TMEM184B: variants seen among roughly 807,000 people sequenced by gnomAD.
TMEM184B encodes the protein transmembrane protein 184B.
TMEM184B carries 17 observed loss-of-function variants against 41.8 expected under a neutral mutation model. That is an observed-to-expected ratio of 0.41 (90% CI 0.28 to 0.61). The LOEUF (loss-of-function observed/expected upper bound fraction) is 0.61, where lower values mean the gene tolerates loss of function less well. TMEM184B is among the 20% of genes least tolerant of loss of function. The pLI, the probability that TMEM184B is intolerant of heterozygous loss-of-function variation, is 0.34. For synonymous variants in TMEM184B, 240 were observed against 229.5 expected (o/e 1.05, Z -0.41); for missense variants, 393 against 557.8 (o/e 0.70, Z 2.98).
Position 38,225,309 on chromosome 22 carries a change from T to G in TMEM184B, c.787+115A>C, listed in dbSNP as rs2145563199. The G allele has an allele frequency of 7.5e-7, 1 of 1,335,458 alleles. No individual in the cohort carries two copies. Among genetic ancestry groups the G allele is most frequent in the Non-Finnish European group, 1.0e-6 (1 of 988,524 alleles). The allele number at this position is 1,335,458 out of a possible 1,614,324, so 82.7% of individuals were successfully genotyped here. On this transcript the variant is annotated intron_variant, in intron 7 of 8. Transcript: ENST00000361906. This position sits in a 1 kb window ranked among gnomAD's most constrained non-coding sequence, Gnocchi z 4.4. ...CACCCCCAGCAAGTGCCCAGTGGGCTGAGGCCCCTCTGAACAGGCCCTACA... is the reference window on the plus strand; with the variant it reads ...CACCCCCAGCAAGTGCCCAGTGGGCGGAGGCCCCTCTGAACAGGCCCTACA...
Position 38,221,098 on chromosome 22 carries a change from A to G in TMEM184B, c.*371T>C, listed in dbSNP as rs372570127. 1.8e-6 allele frequency: 2 copies of G among 1,081,148 alleles called. No homozygotes were observed. The highest frequency in any genetic ancestry group is 4.3e-4 in the Middle Eastern group (1 of 2,352). The allele number at this position is 1,081,148 out of a possible 1,614,324, so 67.0% of individuals were successfully genotyped here. On this transcript the variant is annotated 3_prime_UTR_variant, in exon 9 of 9. Coordinates refer to ENST00000361906, the MANE Select transcript of TMEM184B (RefSeq NM_012264.5). ...CACGGCTTGCCGACCTCAGCCTGAGAGTCTCGCGGGGAGGAGGGGCTAGAA... is the reference window on the plus strand; with the variant it reads ...CACGGCTTGCCGACCTCAGCCTGAGGGTCTCGCGGGGAGGAGGGGCTAGAA...
At position 38,220,780 on chromosome 22, in the gene TMEM184B, T is replaced by A. The variant is rs908718769; in HGVS notation, c.*689A>T. ...AAGGGGCATGAGGCAGGCAGAGGTG[T>A]GGCCACGACAGGTGGGGATACCCAG... On this transcript the variant is annotated 3_prime_UTR_variant, in exon 9 of 9. Transcript: ENST00000361906. The A allele has an allele frequency of 7.1e-6, 7 of 985,936 alleles. No individual in the cohort carries two copies. The Admixed American group carries it at 1.8e-4, about 26-fold the overall frequency. The allele number at this position is 985,936 out of a possible 1,614,324, so 61.1% of individuals were successfully genotyped here.
intron 1 of TMEM184B, among the ~76,000 whole-genome samples, chr22:38,272,126 T>C (rs535558332): frequency 6.6e-6 from 1 of 152,330 alleles, no homozygotes; most frequent in South Asian, 2.1e-4. Context: ...GTAAAACGTC[T>C]GGCCTTATAC....
At position 38,219,706 on chromosome 22, in the gene TMEM184B, A is replaced by G. The variant is rs949175082; in HGVS notation, c.*1763T>C. On this transcript the variant is annotated 3_prime_UTR_variant, in exon 9 of 9. Coordinates refer to ENST00000361906, the MANE Select transcript of TMEM184B (RefSeq NM_012264.5). ...GGCGAAAACCAAGGGAGTGGGAATC[A>G]GCAGCACTTTGGCCTGGAGGGAGAA... The G allele has an allele frequency of 1.1e-5, 11 of 985,512 alleles. No individual in the cohort carries two copies. In the African/African-American group the frequency reaches 1.9e-4, roughly 17 times the overall value. The allele number at this position is 985,512 out of a possible 1,614,324, so 61.0% of individuals were successfully genotyped here. A position where few individuals can be genotyped will look rare whatever the true frequency, so the allele number is the denominator to read the frequency against.
chr22:38,269,127 C>T (rs1001109283), intron 1 of TMEM184B, among the ~76,000 whole-genome samples: 8 of 152,256 alleles, frequency 5.3e-5, no homozygotes, highest in African/African-American at 1.9e-4. Flanking sequence ...AATAAGCGCA[C>T]AGATTTAAAT....
intron 1 of TMEM184B, among the ~76,000 whole-genome samples, chr22:38,256,635 G>T (rs903716745): frequency 6.6e-6 from 1 of 152,100 alleles, no homozygotes; most frequent in Non-Finnish European, 1.5e-5. Context: ...CTGTTGTTCT[G>T]CTGTCTAAAG....
chr22:38,221,269 T>C lies in TMEM184B; in HGVS notation c.*200A>G. ...CCCGGGCAGTGCAGGCTGGGCCATG[T>C]ATAAATATTCCTGAAGGCCCATGGG... is the stretch of plus-strand genomic sequence containing the variant. On this transcript the variant is annotated 3_prime_UTR_variant, in exon 9 of 9. Transcript: ENST00000361906. The C allele has an allele frequency of 7.0e-7, 1 of 1,426,430 alleles. No homozygotes were observed. The allele number at this position is 1,426,430 out of a possible 1,614,324, so 88.4% of individuals were successfully genotyped here. A position where few individuals can be genotyped will look rare whatever the true frequency, so the allele number is the denominator to read the frequency against.
At chr22:38,241,883 C>CAAAAAAAAAAAAAAAAAAAA (rs34060428) in intron 3 of TMEM184B, among the ~76,000 whole-genome samples, 12 of 32,610 alleles carry the variant, frequency 3.7e-4, no homozygotes, top group East Asian at 1.1e-3. Flanking sequence ...GACTCCGTCT[C>CAAAAAAAAAAAAAAAAAAAA]AAAAAAAAAA....
At chr22:38,230,451 A>G (rs1039580759) in intron 5 of TMEM184B, among the ~76,000 whole-genome samples, 1 of 152,256 alleles carries the variant, frequency 6.6e-6, no homozygotes, top group South Asian at 2.1e-4. Context: ...GCTCTTGCCC[A>G]CAGTGCAACA....
intron 2 of TMEM184B, among the ~76,000 whole-genome samples, chr22:38,247,264 G>GCTCT (rs2092053462): frequency 6.6e-6 from 1 of 152,218 alleles, no homozygotes; most frequent in East Asian, 1.9e-4. Context: ...TGTTGTTTAG[G>GCTCT]CTGGACACGA....
At chr22:38,271,404 G>A (rs890261871) in intron 1 of TMEM184B, among the ~76,000 whole-genome samples, 44 of 152,198 alleles carry the variant, frequency 2.9e-4, no homozygotes, top group Admixed American at 2.4e-3. Context: ...TTCCCTCTGG[G>A]CCTCAGTTTA....
At chr22:38,263,395 A>G (rs1039135642) in intron 1 of TMEM184B, among the ~76,000 whole-genome samples, 18 of 152,136 alleles carry the variant, frequency 1.2e-4, no homozygotes, top group African/African-American at 4.1e-4. Flanking sequence ...CTTCCCTTTT[A>G]CACTGATGGC....
chr22:38,224,754 A>C lies in TMEM184B; in HGVS notation c.982+31T>G, dbSNP rs1361205410. 3 of 1,543,370 alleles carry C rather than the reference A, an allele frequency of 1.9e-6. No individual in the cohort carries two copies. The African/African-American group carries it at 4.1e-5, about 21-fold the overall frequency. ...ATGTTTGGGGCTCCCTGCTTCTCCC[A>C]GCGGGGGTCGCCTAGGACCCTGGCT... On this transcript the variant is annotated intron_variant, in intron 8 of 8. Transcript: ENST00000361906.
intron 3 of TMEM184B, among the ~76,000 whole-genome samples, chr22:38,233,848 C>T (rs2091700569): frequency 6.6e-6 from 1 of 152,180 alleles, no homozygotes; most frequent in South Asian, 2.1e-4. Flanking sequence ...TGGCTCACTG[C>T]AACCTCCACC....
chr22:38,231,251 G>A lies in TMEM184B; in HGVS notation c.442C>T (p.Pro148Ser). The change falls in exon 4 of 9, where the codon CCC (proline) becomes TCC (serine). Residue 148 changes from proline (P) to serine (S), a missense_variant. By Grantham distance (74) the Pro-to-Ser change is moderately conservative (BLOSUM62 -1). Coordinates refer to ENST00000361906, the MANE Select transcript of TMEM184B (RefSeq NM_012264.5). Reference sequence around the variant, plus strand: ...GGAAGACTCCATACTCACTCAATGGGTTTTCCTCTGATCTCCGACATGATG... The same window carrying A: ...GGAAGACTCCATACTCACTCAATGGATTTTCCTCTGATCTCCGACATGATG... ...SSIMSEIRGK[P>S]IESSCMYGTC... 6.2e-7 allele frequency: 1 copy of A among 1,614,018 alleles called. No individual in the cohort carries two copies.
chr22:38,244,117 G>A (rs2091973271), intron 3 of TMEM184B, among the ~76,000 whole-genome samples: 1 of 152,322 alleles, frequency 6.6e-6, no homozygotes, highest in South Asian at 2.1e-4. Context: ...AGGCTGGGGT[G>A]CAATGGGCTC....
chr22:38,221,754 G>T (rs369667031), intron 8 of TMEM184B, 44 bp from the exon 9 acceptor site: 2 of 1,601,396 alleles, frequency 1.2e-6, no homozygotes, highest in Non-Finnish European at 1.7e-6. Flanking sequence ...AGGCTGGGAC[G>T]GTGAGAGGGA....
At chr22:38,232,714 C>A (rs1429335666) in intron 3 of TMEM184B, among the ~76,000 whole-genome samples, 1 of 152,180 alleles carries the variant, frequency 6.6e-6, no homozygotes, top group African/African-American at 2.4e-5. Context: ...TGCCGCCCAG[C>A]TTGGCACTTG....
chr22:38,272,590 GC>G, intron 1 of TMEM184B: 2 of 985,530 alleles, frequency 2.0e-6, no homozygotes, highest in Non-Finnish European at 2.4e-6. Context: ...TCCCGGGGCC[GC>G]CCCCCGGACA....
Sources: gnomAD v4.1 joint callset for allele counts (sites outside exome capture counted in the v4.1 genomes callset) on GRCh38, gnomAD v4.1.1 for gene constraint, Gnocchi (gnomAD v3.1) non-coding constraint, MANE v1.5 for transcripts, NCBI Gene and HGNC (gene_info 2026-07-23, HGNC 2026-07-21) for gene names.